The following LRMDA variants were observed in gnomAD, a reference collection of about 807,000 sequenced individuals.
The protein encoded by LRMDA is leucine-rich melanocyte differentiation-associated protein.
In LRMDA, 18 loss-of-function variants were observed where a neutral mutation model predicts 29.8. That is an observed-to-expected ratio of 0.60 (90% CI 0.42 to 0.90). LRMDA has a LOEUF of 0.90. Among genes scored for constraint, LRMDA ranks in the 40% least tolerant of loss-of-function variants. The pLI, the probability that LRMDA is intolerant of heterozygous loss-of-function variation, is 0.00. For missense variants in LRMDA, 273 were observed against 273.9 expected (o/e 1.00, Z 0.02); for synonymous variants, 125 against 109.4 (o/e 1.14, Z -0.89).
chr10:75,686,066 T>C (rs983604350), intron 2 of LRMDA, among the ~76,000 whole-genome samples: 1 of 152,048 alleles, frequency 6.6e-6, no homozygotes, highest in African/African-American at 2.4e-5. Context: ...AGAGTTGGGA[T>C]TTGAACCTGA....
intron 5 of LRMDA, among the ~76,000 whole-genome samples, chr10:76,316,816 G>T (rs902920847): frequency 6.6e-6 from 1 of 152,182 alleles, no homozygotes; most frequent in Non-Finnish European, 1.5e-5. Context: ...ATTAATTTGT[G>T]CTCCATCATA....
At chr10:75,649,090 C>A (rs1268254178) in intron 2 of LRMDA, among the ~76,000 whole-genome samples, 1 of 152,162 alleles carries the variant, frequency 6.6e-6, no homozygotes, top group Non-Finnish European at 1.5e-5. Flanking sequence ...AAGCTGAAAC[C>A]CATTAAACAG....
chr10:75,632,795 T>G (rs1290423639), intron 2 of LRMDA, among the ~76,000 whole-genome samples: 2 of 138,264 alleles, frequency 1.4e-5, no homozygotes, highest in Non-Finnish European at 3.1e-5. Flanking sequence ...TTTTTTTTTT[T>G]TTTTTTTTTT....
chr10:75,511,264 G>A (rs781367172), intron 2 of LRMDA, among the ~76,000 whole-genome samples: 36 of 152,164 alleles, frequency 2.4e-4, no homozygotes, highest in Non-Finnish European at 4.4e-4. Context: ...CAGCACAGGA[G>A]GTCAAGGGTG....
At chr10:75,774,325 A>G (rs1225912298) in intron 2 of LRMDA, among the ~76,000 whole-genome samples, 2 of 152,142 alleles carry the variant, frequency 1.3e-5, no homozygotes, top group African/African-American at 4.8e-5. Context: ...TGAAATTATG[A>G]GTACTGTAGG....
At chr10:75,800,013 T>C (rs1298302884) in intron 2 of LRMDA, among the ~76,000 whole-genome samples, 2 of 152,208 alleles carry the variant, frequency 1.3e-5, no homozygotes, top group Non-Finnish European at 2.9e-5. Context: ...ATTGGATAAA[T>C]ATTTTGACTT....
chr10:75,496,720 A>T (rs1202300958), intron 2 of LRMDA, among the ~76,000 whole-genome samples: 1 of 152,180 alleles, frequency 6.6e-6, no homozygotes, highest in Non-Finnish European at 1.5e-5. Flanking sequence ...TACTTTCGGA[A>T]GTGCAGTTGA....
chr10:76,350,700 T>C (rs2132431577), intron 6 of LRMDA, among the ~76,000 whole-genome samples: 1 of 152,286 alleles, frequency 6.6e-6, no homozygotes, highest in African/African-American at 2.4e-5. Flanking sequence ...AGAAAGTAAT[T>C]CCATTGCTGT....
At chr10:76,021,889 A>C (rs1847980520) in intron 2 of LRMDA, among the ~76,000 whole-genome samples, 1 of 152,222 alleles carries the variant, frequency 6.6e-6, no homozygotes, top group African/African-American at 2.4e-5. Context: ...CAGGGGGAAG[A>C]TATTTTTTCA....
chr10:76,226,600 A>G (rs1203335935), intron 5 of LRMDA, among the ~76,000 whole-genome samples: 2 of 152,054 alleles, frequency 1.3e-5, no homozygotes, highest in Non-Finnish European at 2.9e-5. Context: ...AGAAAAGAAA[A>G]CAAAACAAAA....
chr10:75,970,949 G>A (rs1043590471), intron 2 of LRMDA, among the ~76,000 whole-genome samples: 3 of 152,312 alleles, frequency 2.0e-5, no homozygotes, highest in African/African-American at 7.2e-5. Context: ...AACCTGAGAA[G>A]GTAGAAAGGG....
intron 2 of LRMDA, among the ~76,000 whole-genome samples, chr10:75,878,509 G>A (rs575457019): frequency 6.6e-6 from 1 of 152,174 alleles, no homozygotes; most frequent in African/African-American, 2.4e-5. Context: ...GGTGTCTGCT[G>A]GTGTCTGTTG....
chr10:75,972,967 G>A (rs888295521), intron 2 of LRMDA, among the ~76,000 whole-genome samples: 1 of 151,878 alleles, frequency 6.6e-6, no homozygotes, highest in Admixed American at 6.6e-5. Context: ...GCTACACTGG[G>A]GAAATTAAGA....
At chr10:75,465,633 TG>T (rs1244268549) in intron 2 of LRMDA, among the ~76,000 whole-genome samples, 1 of 152,360 alleles carries the variant, frequency 6.6e-6, no homozygotes, top group Non-Finnish European at 1.5e-5. Flanking sequence ...GCAGCGCATT[TG>T]TAGACCTGTT....
At chr10:75,601,439 G>C (rs925885873) in intron 2 of LRMDA, 1 of 152,190 alleles carries the variant, frequency 6.6e-6, no homozygotes, top group Non-Finnish European at 1.5e-5. Context: ...TCCAATTCTT[G>C]AGATACCAAT....
chr10:76,284,345 C>T (rs1840244040), intron 5 of LRMDA, among the ~76,000 whole-genome samples: 2 of 152,146 alleles, frequency 1.3e-5, no homozygotes, highest in Middle Eastern at 3.4e-3. Context: ...GAGATTGGAG[C>T]AATGTGCTTT....
intron 2 of LRMDA, among the ~76,000 whole-genome samples, chr10:75,707,276 G>A (rs1842380947): frequency 1.3e-5 from 2 of 152,220 alleles, no homozygotes; most frequent in Non-Finnish European, 2.9e-5. Context: ...GAATGGCCTT[G>A]CTTTTGGAAA....
intron 5 of LRMDA, among the ~76,000 whole-genome samples, chr10:76,314,243 T>C (rs1840664107): frequency 2.0e-5 from 3 of 152,186 alleles, no homozygotes; most frequent in Admixed American, 2.0e-4. Flanking sequence ...CTTTTTTTGT[T>C]GTTGTTTTTA....
At chr10:76,082,322 C>T (rs1849062221) in intron 5 of LRMDA, among the ~76,000 whole-genome samples, 1 of 152,084 alleles carries the variant, frequency 6.6e-6, no homozygotes, top group Non-Finnish European at 1.5e-5. Flanking sequence ...CTTGATTTCC[C>T]TGCCTGTCAC....
Sources: gnomAD v4.1 joint callset for allele counts (sites outside exome capture counted in the v4.1 genomes callset) on GRCh38, gnomAD v4.1.1 for gene constraint, MANE v1.5 for transcripts, NCBI Gene and HGNC (gene_info 2026-07-23, HGNC 2026-07-21) for gene names.